The following SORCS3 variants were observed in gnomAD, a reference collection of about 807,000 sequenced individuals.
SORCS3 encodes sortilin related VPS10 domain containing receptor 3.
A neutral mutation model predicts 146.3 loss-of-function variants in SORCS3; 57 were observed. The observed-to-expected ratio is 0.39, with a 90% CI of 0.31 to 0.49. The LOEUF is 0.49. Among genes scored for constraint, SORCS3 ranks in the 20% least tolerant of loss-of-function variants. The pLI is 0.92. For synonymous variants in SORCS3, 653 were observed against 618.5 expected, an observed-to-expected ratio of 1.06 and a Z score of -0.83; for missense variants, 1,341 against 1,575.5, an observed-to-expected ratio of 0.85 and a Z score of 2.52.
intron 1 of SORCS3, among the ~76,000 whole-genome samples, chr10:104,734,544 G>A (rs780105889): frequency 1.3e-5 from 2 of 152,222 alleles, no homozygotes; most frequent in Non-Finnish European, 2.9e-5. Context: ...AGACGACACT[G>A]TGCTGGTGCA....
chr10:105,061,652 CAA>C (rs57641383), intron 5 of SORCS3, among the ~76,000 whole-genome samples: 2,564 of 132,506 alleles, frequency 0.019, 33 homozygotes, highest in African/African-American at 0.038. Flanking sequence ...GACCCTATCT[CAA>C]AAAAAAAAAA....
intron 19 of SORCS3, among the ~76,000 whole-genome samples, chr10:105,219,827 G>A (rs911103576): frequency 3.9e-5 from 6 of 152,134 alleles, no homozygotes; most frequent in African/African-American, 1.4e-4. Context: ...TGCCTTCAGG[G>A]TATGACAACC....
intron 4 of SORCS3, among the ~76,000 whole-genome samples, chr10:104,980,530 A>T (rs772407729): frequency 1.1e-4 from 17 of 152,212 alleles, no homozygotes; most frequent in Non-Finnish European, 1.9e-4. Context: ...TTCAGACTAG[A>T]GCCTTCTCTG....
At chr10:104,799,842 A>T (rs979776292) in intron 1 of SORCS3, among the ~76,000 whole-genome samples, 1 of 151,714 alleles carries the variant, frequency 6.6e-6, no homozygotes, top group Non-Finnish European at 1.5e-5. Context: ...CGCCTGCCTA[A>T]TTTTTTTGTA....
At chr10:104,888,176 C>A (rs2018711280) in intron 2 of SORCS3, among the ~76,000 whole-genome samples, 1 of 152,140 alleles carries the variant, frequency 6.6e-6, no homozygotes, top group African/African-American at 2.4e-5. Flanking sequence ...TTTTTAGAGT[C>A]TCATACAATT....
intron 2 of SORCS3, among the ~76,000 whole-genome samples, chr10:104,901,267 G>T (rs1405959728): frequency 3.3e-5 from 5 of 152,062 alleles, no homozygotes; most frequent in Middle Eastern, 3.2e-3. Flanking sequence ...AGATAGTTTT[G>T]CCCATTTTAT....
rs574128459 is a variant in SORCS3, at chr10:105,204,083, G to A, written c.2261+2830G>A. ...ATAAGTAAAGCACGGTGGGAGAGGC[G>A]AGGGGGAGCCTTTACACGGCCTTCT... On this transcript the variant is annotated intron_variant, in intron 16 of 26. Coordinates refer to ENST00000369701, the MANE Select transcript of SORCS3 (RefSeq NM_014978.3). Among the ~76,000 whole-genome samples the A allele has an allele frequency of 1.1e-3, 165 of 152,178 alleles. 2 individuals are homozygous for A. The South Asian group carries it at 0.014, about 12-fold the overall frequency.
intron 1 of SORCS3, among the ~76,000 whole-genome samples, chr10:104,800,858 A>G (rs79962195): frequency 0.01 from 1,544 of 152,274 alleles, 15 homozygotes; most frequent in Middle Eastern, 0.027. Flanking sequence ...TTGAGCAAAC[A>G]CATTTCCTTC....
chr10:105,130,697 T>G (rs2056012557), intron 7 of SORCS3, among the ~76,000 whole-genome samples: 1 of 152,130 alleles, frequency 6.6e-6, no homozygotes, highest in African/African-American at 2.4e-5. Context: ...ATAAAAGATT[T>G]TATGTGCAAA....
chr10:104,876,594 T>C (rs906653590), intron 2 of SORCS3, among the ~76,000 whole-genome samples: 1 of 152,168 alleles, frequency 6.6e-6, no homozygotes. Flanking sequence ...TTCATGGCTC[T>C]GACCCTTGTT....
At chr10:104,715,464 G>T (rs993594497) in intron 1 of SORCS3, among the ~76,000 whole-genome samples, 1 of 152,126 alleles carries the variant, frequency 6.6e-6, no homozygotes, top group Non-Finnish European at 1.5e-5. Flanking sequence ...GGCTTTCCTG[G>T]TTCTTCATCT....
chr10:105,149,681 G>A (rs1282038881), intron 9 of SORCS3, among the ~76,000 whole-genome samples: 1 of 152,150 alleles, frequency 6.6e-6, no homozygotes, highest in Non-Finnish European at 1.5e-5. Context: ...AAATAGGGGT[G>A]GGTGGGCATT....
rs1284666156 is a variant in SORCS3, at chr10:105,023,852, C to A, written c.955-19203C>A. On this transcript the variant is annotated intron_variant, in intron 4 of 26. Coordinates refer to ENST00000369701, the MANE Select transcript of SORCS3 (RefSeq NM_014978.3). ...AAATGGAAAATAAATGCTAAGTTTCCTGGCAAATTATGAACTCTGGATAGG... is the reference window on the plus strand; with the variant it reads ...AAATGGAAAATAAATGCTAAGTTTCATGGCAAATTATGAACTCTGGATAGG... Among the ~76,000 whole-genome samples, 4 of 151,920 alleles carry A rather than the reference C, an allele frequency of 2.6e-5. No individual in the cohort carries two copies. In the East Asian group the frequency reaches 7.7e-4, roughly 29 times the overall value.
chr10:104,951,298 C>A lies in SORCS3; in HGVS notation c.796-26037C>A, dbSNP rs114179271. ...AGTTCCAGTCACACCTTCAACACTGCCTTGCTTGGTATAAGACTTGATTTT... is the reference window on the plus strand; with the variant it reads ...AGTTCCAGTCACACCTTCAACACTGACTTGCTTGGTATAAGACTTGATTTT... On this transcript the variant is annotated intron_variant, in intron 3 of 26. Transcript: ENST00000369701. 4.5e-3 allele frequency among the ~76,000 whole-genome samples: 683 copies of A among 152,104 alleles called. 5 individuals are homozygous for A. The highest frequency in any genetic ancestry group is 0.016 in the African/African-American group (650 of 41,528).
At chr10:105,167,908 T>C (rs1017203994) in intron 13 of SORCS3, among the ~76,000 whole-genome samples, 2 of 152,106 alleles carry the variant, frequency 1.3e-5, no homozygotes, top group South Asian at 2.1e-4. Context: ...GGGACTCCTA[T>C]GGACTCTGCT....
intron 16 of SORCS3, among the ~76,000 whole-genome samples, chr10:105,205,958 T>C (rs1423355370): frequency 2.0e-5 from 3 of 152,186 alleles, no homozygotes; most frequent in Admixed American, 6.5e-5. Context: ...ATGTCCCATA[T>C]GGCACTACAT....
At chr10:104,841,058 G>GTGTA (rs1319639166) in intron 1 of SORCS3, among the ~76,000 whole-genome samples, 1 of 152,192 alleles carries the variant, frequency 6.6e-6, no homozygotes, top group Non-Finnish European at 1.5e-5. Context: ...GTGTGTGTGT[G>GTGTA]TGTATGTGTG....
At chr10:105,066,867 A>G (rs547050389) in intron 5 of SORCS3, among the ~76,000 whole-genome samples, 1 of 152,036 alleles carries the variant, frequency 6.6e-6, no homozygotes. Context: ...TCTCTCACCA[A>G]AAAAGTAGAG....
intron 1 of SORCS3, among the ~76,000 whole-genome samples, chr10:104,817,855 G>A (rs1054621207): frequency 1.3e-5 from 2 of 151,356 alleles, no homozygotes; most frequent in African/African-American, 4.9e-5. Context: ...ACTGAAATCT[G>A]TCTGAACTCA....
Sources: gnomAD v4.1 joint callset for allele counts (sites outside exome capture counted in the v4.1 genomes callset) on GRCh38, gnomAD v4.1.1 for gene constraint, MANE v1.5 for transcripts, NCBI Gene and HGNC (gene_info 2026-07-23, HGNC 2026-07-21) for gene names.